Variants in COPZ2 observed in about 807,000 individuals in gnomAD.
COPZ2 encodes the protein coat protein complex I subunit zeta 2.
A neutral mutation model predicts 33.2 loss-of-function variants in COPZ2; 30 were observed. The observed-to-expected ratio is 0.90, with a 90% CI of 0.68 to 1.23. The LOEUF (loss-of-function observed/expected upper bound fraction) is 1.23. COPZ2 is among the 50% of genes most tolerant of loss of function. The probability of loss-of-function intolerance (pLI) is 0.00; values close to 1 mark genes in which losing one functional copy is unlikely to be tolerated. For synonymous variants in COPZ2, 89 were observed against 102.6 expected (o/e 0.87, Z 0.80); for missense variants, 263 against 262.4 (o/e 1.00, Z -0.02).
chr17:48,032,914 T>C, intron 4 of COPZ2, 173 bp from the exon 5 acceptor site: 1 of 622,184 alleles, frequency 1.6e-6, no homozygotes, highest in Admixed American at 2.8e-5. Flanking sequence ...GCTGGGAAAC[T>C]GGAGTTCTCC....
chr17:48,045,299 T>G, the COPZ2 span: 3 of 152,164 alleles, frequency 2.0e-5, no homozygotes, highest in Non-Finnish European at 4.4e-5. Context: ...ACAACCAGAA[T>G]GGCAGAAAGC....
At chr17:48,045,635 T>G in the COPZ2 span, 1 of 152,376 alleles carries the variant, frequency 6.6e-6, no homozygotes, top group South Asian at 2.1e-4. Context: ...CTGCCCAGCC[T>G]GGAGTCGCAG....
intron 2 of COPZ2, among the ~76,000 whole-genome samples, chr17:48,036,313 G>A (rs2036981809): frequency 6.6e-6 from 1 of 152,128 alleles, no homozygotes; most frequent in Admixed American, 6.5e-5. Context: ...TTTGAGTTTG[G>A]ATCTGTTAGG....
At chr17:48,027,828 G>C (rs978722639) in intron 8 of COPZ2, 1 of 152,370 alleles carries the variant, frequency 6.6e-6, no homozygotes, top group African/African-American at 2.4e-5. Context: ...CAGTCGTCCT[G>C]AACTAGCAGG....
intron 3 of COPZ2, 45 bp downstream of exon 3, chr17:48,033,818 C>G (rs1330730171): frequency 1.4e-6 from 2 of 1,380,554 alleles, no homozygotes; most frequent in Non-Finnish European, 1.0e-6. Flanking sequence ...GAGAAGATGA[C>G]AGTGTGCATC....
At chr17:48,038,535 C>T (rs560829970), upstream of COPZ2, among the ~76,000 whole-genome samples, 3 of 152,188 alleles carry the variant, frequency 2.0e-5, no homozygotes, top group Non-Finnish European at 2.9e-5. Flanking sequence ...ATGCATTTAC[C>T]GGTAAAAACA....
intron 2 of COPZ2, among the ~76,000 whole-genome samples, chr17:48,035,288 G>A (rs1202872927): frequency 6.6e-6 from 1 of 152,204 alleles, no homozygotes; most frequent in Non-Finnish European, 1.5e-5. Flanking sequence ...TCTGGATGTG[G>A]ATTTTGCCAC....
the COPZ2 span, among the ~76,000 whole-genome samples, chr17:48,043,197 GC>G: frequency 6.6e-6 from 1 of 152,212 alleles, no homozygotes; most frequent in Non-Finnish European, 1.5e-5. Flanking sequence ...GGTGGGCTGT[GC>G]ACATCCCTAC....
intron 4 of COPZ2, 143 bp from the exon 5 acceptor site, chr17:48,032,884 G>A (rs2036915206): frequency 3.0e-6 from 2 of 672,832 alleles, no homozygotes; most frequent in Non-Finnish European, 5.3e-6. Flanking sequence ...TGACATTAGA[G>A]GGAACTTCCA....
chr17:48,043,421 A>C, the COPZ2 span: 1 of 656,438 alleles, frequency 1.5e-6, no homozygotes, highest in Non-Finnish European at 1.9e-6. Flanking sequence ...GAGAAGAAAC[A>C]GCTCCCTTGG....
chr17:48,032,125 C>T (rs1160423036), intron 6 of COPZ2, 31 bp downstream of exon 6: 6 of 1,581,784 alleles, frequency 3.8e-6, no homozygotes, highest in Non-Finnish European at 5.2e-6. Context: ...GGCACTCCTG[C>T]TGTGAGTGTC....
upstream of COPZ2, chr17:48,037,883 C>T (rs2037018349): frequency 2.1e-6 from 2 of 975,352 alleles, no homozygotes; most frequent in Admixed American, 1.2e-4. The surrounding 1 kb of genome is among the most constrained non-coding windows in gnomAD (Gnocchi z 5.6). Flanking sequence ...CCTCCCTTTC[C>T]TCGGGGCCCC....
intron 6 of COPZ2, 32 bp downstream of exon 6, chr17:48,032,124 G>T (rs1469591913): frequency 6.3e-7 from 1 of 1,576,694 alleles, no homozygotes; most frequent in South Asian, 1.1e-5. Context: ...AGGCACTCCT[G>T]CTGTGAGTGT....
chr17:48,029,057 A>G lies in COPZ2; in HGVS notation c.546+68T>C, dbSNP rs1256755276. 36 of 1,420,920 alleles carry G rather than the reference A, an allele frequency of 2.5e-5. No homozygotes were observed. The South Asian group carries it at 4.4e-4, about 17-fold the overall frequency. The allele number at this position is 1,420,920 out of a possible 1,614,324, so 88.0% of individuals were successfully genotyped here. A position where few individuals can be genotyped will look rare whatever the true frequency, so the allele number is the denominator to read the frequency against. On this transcript the variant is annotated intron_variant, in intron 7 of 8. Transcript: ENST00000621465. Reference sequence around the variant, plus strand: ...CTTGGGCTTCTACCATCTAGGCCCTAGCAGCCCTATTCCCAGGGAGGACAG... The same window carrying G: ...CTTGGGCTTCTACCATCTAGGCCCTGGCAGCCCTATTCCCAGGGAGGACAG...
Position 48,032,593 on chromosome 17 carries a change from G to T in COPZ2, c.416+93C>A, listed in dbSNP as rs968996085. The T allele has an allele frequency of 7.4e-5, 75 of 1,012,764 alleles. No individual in the cohort carries two copies. In the East Asian group the frequency reaches 1.7e-3, roughly 24 times the overall value. The allele number at this position is 1,012,764 out of a possible 1,614,324, so 62.7% of individuals were successfully genotyped here. On this transcript the variant is annotated intron_variant, in intron 5 of 8. Transcript: ENST00000621465. ...TTTCTTTTTGGATTATCTTAGTCTTGTGGGGACTTCAGGAGAAAAACAGGG... is the reference window on the plus strand; with the variant it reads ...TTTCTTTTTGGATTATCTTAGTCTTTTGGGGACTTCAGGAGAAAAACAGGG...
upstream of COPZ2, among the ~76,000 whole-genome samples, chr17:48,040,996 A>T (rs1050851668): frequency 6.6e-6 from 1 of 151,740 alleles, no homozygotes; most frequent in Non-Finnish European, 1.5e-5. Flanking sequence ...CTAAAAACAC[A>T]CAAAAATCAG....
chr17:48,034,917 C>T (rs185483302), intron 2 of COPZ2, among the ~76,000 whole-genome samples: 5 of 152,094 alleles, frequency 3.3e-5, no homozygotes, highest in Non-Finnish European at 4.4e-5. Context: ...ACCCGGGAGG[C>T]GGAGGTTGCA....
chr17:48,040,672 C>T (rs562269241), upstream of COPZ2, among the ~76,000 whole-genome samples: 2 of 151,636 alleles, frequency 1.3e-5, no homozygotes, highest in African/African-American at 4.8e-5. Flanking sequence ...ACCTTGTGAT[C>T]TGCTTGCCTC....
At chr17:48,031,177 G>A (rs1036039183) in intron 6 of COPZ2, among the ~76,000 whole-genome samples, 1 of 152,188 alleles carries the variant, frequency 6.6e-6, no homozygotes, top group Non-Finnish European at 1.5e-5. Context: ...TATTGGCCGG[G>A]GATGGTGGCT....
Sources: gnomAD v4.1 joint callset for allele counts (sites outside exome capture counted in the v4.1 genomes callset) on GRCh38, gnomAD v4.1.1 for gene constraint, Gnocchi (gnomAD v3.1) non-coding constraint, MANE v1.5 for transcripts, NCBI Gene and HGNC (gene_info 2026-07-23, HGNC 2026-07-21) for gene names.